Variants in DERA observed in about 807,000 individuals in gnomAD.
DERA encodes 2-deoxy-D-ribose 5-phosphate aldolase.
DERA carries 15 observed loss-of-function variants against 41.1 expected under a neutral mutation model. The observed-to-expected ratio is 0.37, with a 90% CI of 0.24 to 0.56. The LOEUF is 0.56. DERA is among the 20% of genes least tolerant of loss of function. The pLI, the probability that DERA is intolerant of heterozygous loss-of-function variation, is 0.81. For synonymous variants in DERA, 139 were observed against 137.4 expected, an observed-to-expected ratio of 1.01 and a Z score of -0.08; for missense variants, 396 against 403.4, an observed-to-expected ratio of 0.98 and a Z score of 0.16.
intron 6 of DERA, among the ~76,000 whole-genome samples, chr12:16,006,866 CT>C (rs1276047111): frequency 4.6e-5 from 7 of 152,178 alleles, no homozygotes; most frequent in African/African-American, 1.7e-4. Context: ...CTGGAAATTC[CT>C]TCTTTGGTTA....
chr12:15,964,195 G>A (rs1434838685), intron 5 of DERA, among the ~76,000 whole-genome samples: 1 of 152,174 alleles, frequency 6.6e-6, no homozygotes, highest in African/African-American at 2.4e-5. Flanking sequence ...AGGAAAGAAA[G>A]GCTTTTCTCA....
chr12:16,022,443 C>T (rs1949022758), intron 6 of DERA, among the ~76,000 whole-genome samples: 5 of 152,142 alleles, frequency 3.3e-5, no homozygotes, highest in Admixed American at 3.3e-4. Flanking sequence ...TATAGCAATG[C>T]AATAATGGAC....
Position 15,940,051 on chromosome 12 carries a change from A to G in DERA, c.32-16885A>G, listed in dbSNP as rs1948398007. Among the ~76,000 whole-genome samples the G allele has an allele frequency of 2.0e-5, 3 of 152,250 alleles. No individual in the cohort carries two copies. The highest frequency in any genetic ancestry group is 4.4e-5 in the Non-Finnish European group (3 of 68,038). ...AATTTAATAAGAACATATTTTTACC[A>G]TGATACTACAACAAAATTTGTATCC... On this transcript the variant is annotated intron_variant, in intron 1 of 8. Coordinates refer to ENST00000428559, the MANE Select transcript of DERA (RefSeq NM_015954.4). This position sits in a 1 kb window ranked among gnomAD's most constrained non-coding sequence, Gnocchi z 5.1.
chr12:15,940,742 A>C lies in DERA; in HGVS notation c.32-16194A>C, dbSNP rs1948402802. Among the ~76,000 whole-genome samples, 1 of 152,220 alleles carries C rather than the reference A, an allele frequency of 6.6e-6. No individual in the cohort carries two copies. Among genetic ancestry groups the C allele is most frequent in the African/African-American group, 2.4e-5 (1 of 41,460 alleles). On this transcript the variant is annotated intron_variant, in intron 1 of 8. Transcript: ENST00000428559. This position sits in a 1 kb window ranked among gnomAD's most constrained non-coding sequence, Gnocchi z 5.1. ...TTTATTTAAATGGAAGTCATGCTTC[A>C]GAGTTTTCTGGTAACTGTATCTTCT...
chr12:15,978,469 G>A (rs1948713221), intron 5 of DERA, among the ~76,000 whole-genome samples: 1 of 152,086 alleles, frequency 6.6e-6, no homozygotes, highest in South Asian at 2.1e-4. Context: ...TTCTATTCTA[G>A]CAACATATAT....
chr12:15,948,526 C>T lies in DERA; in HGVS notation c.32-8410C>T, dbSNP rs1415488802. ...GCTTGTGTATTCATCATGTAGCTCTCGTGCCATGGTTTTCAGCTCCATCAG... is the reference window on the plus strand; with the variant it reads ...GCTTGTGTATTCATCATGTAGCTCTTGTGCCATGGTTTTCAGCTCCATCAG... On this transcript the variant is annotated intron_variant, in intron 1 of 8. Coordinates refer to ENST00000428559, the MANE Select transcript of DERA (RefSeq NM_015954.4). 2.0e-5 allele frequency among the ~76,000 whole-genome samples: 3 copies of T among 152,178 alleles called. No individual in the cohort carries two copies. The East Asian group carries it at 5.8e-4, about 29-fold the overall frequency.
At position 15,958,177 on chromosome 12, in the gene DERA, G is replaced by C. The variant is rs759813131; in HGVS notation, c.130-11G>C. 3.5e-5 allele frequency: 53 copies of C among 1,535,040 alleles called. No homozygotes were observed. The highest frequency in any genetic ancestry group is 4.5e-5 in the Non-Finnish European group (52 of 1,143,022). On this transcript the variant is annotated splice_polypyrimidine_tract_variant and intron_variant, in intron 2 of 8. Transcript: ENST00000428559. Reference sequence around the variant, plus strand: ...TTAAATTTACTTTGTTTTCACTTTTGTTTAAACCAGGCTGCTTGGCTCCTG... The same window carrying C: ...TTAAATTTACTTTGTTTTCACTTTTCTTTAAACCAGGCTGCTTGGCTCCTG...
rs1394238775 is a variant in DERA, at chr12:15,992,041, T to A, written c.637+9605T>A. ...AATACCAGTAGCATTTGTAACATAG[T>A]ATCAGCATCAACTGTTTTACCTGTT... On this transcript the variant is annotated intron_variant, in intron 6 of 8. Coordinates refer to ENST00000428559, the MANE Select transcript of DERA (RefSeq NM_015954.4). This position sits in a 1 kb window ranked among gnomAD's most constrained non-coding sequence, Gnocchi z 4.3. Among the ~76,000 whole-genome samples the A allele has an allele frequency of 6.6e-6, 1 of 151,958 alleles. No homozygotes were observed. Among genetic ancestry groups the A allele is most frequent in the Non-Finnish European group, 1.5e-5 (1 of 67,962 alleles).
rs772388291 is a variant in DERA at position 16,036,202 on chromosome 12, G to A, written c.751-30G>A. The A allele has an allele frequency of 6.5e-7, 1 of 1,533,428 alleles. No individual in the cohort carries two copies. The highest frequency in any genetic ancestry group is 8.8e-7 in the Non-Finnish European group (1 of 1,139,224). 95.0% of individuals were successfully genotyped at this position (1,533,428 alleles called of 1,614,324 possible). A position where few individuals can be genotyped will look rare whatever the true frequency, so the allele number is the denominator to read the frequency against. On this transcript the variant is annotated intron_variant, in intron 7 of 8. Coordinates refer to ENST00000428559, the MANE Select transcript of DERA (RefSeq NM_015954.4). The surrounding 1 kb of genome is among the most constrained non-coding windows in gnomAD (Gnocchi z 4.9). ...TTAAAAGAAATCCAATAACAATAAA[G>A]ATTGTTCTATTCTCTGCCTTCCCAT...
rs759154357 is a variant in DERA at position 15,999,447 on chromosome 12, A to G, written c.637+17011A>G. Among the ~76,000 whole-genome samples the G allele has an allele frequency of 8.5e-5, 13 of 152,206 alleles. No individual in the cohort carries two copies. Among genetic ancestry groups the G allele is most frequent in the Non-Finnish European group, 1.8e-4 (12 of 68,040 alleles). On this transcript the variant is annotated intron_variant, in intron 6 of 8. Coordinates refer to ENST00000428559, the MANE Select transcript of DERA (RefSeq NM_015954.4). This position sits in a 1 kb window ranked among gnomAD's most constrained non-coding sequence, Gnocchi z 5.3. Reference sequence around the variant, plus strand: ...GGACACGTTTTCCAAGCACTTCAGGAACACAGCTGACCTTCTCTGGAGGAG... The same window carrying G: ...GGACACGTTTTCCAAGCACTTCAGGGACACAGCTGACCTTCTCTGGAGGAG...
At chr12:15,930,281 A>G (rs763779225) in intron 1 of DERA, among the ~76,000 whole-genome samples, 4 of 152,036 alleles carry the variant, frequency 2.6e-5, no homozygotes, top group Admixed American at 6.5e-5. Context: ...TGGAGCCTCA[A>G]TGTGTGCTAG....
At chr12:15,923,022 T>G (rs1948255811) in intron 1 of DERA, among the ~76,000 whole-genome samples, 1 of 127,170 alleles carries the variant, frequency 7.9e-6, no homozygotes, top group Admixed American at 7.4e-5. Context: ...TTTTGCTTTT[T>G]TTTTTTTTTT....
At chr12:15,956,681 G>A (rs926803187) in intron 1 of DERA, 6 of 526,986 alleles carry the variant, frequency 1.1e-5, no homozygotes, top group Non-Finnish European at 1.8e-5. Flanking sequence ...AGTTCCAAAT[G>A]TATAGGCTGG....
At chr12:15,925,850 C>G (rs1948278437) in intron 1 of DERA, among the ~76,000 whole-genome samples, 1 of 100,064 alleles carries the variant, frequency 1.0e-5, no homozygotes, top group Admixed American at 1.4e-4. Flanking sequence ...TTTTTTGAGA[C>G]AGAGTCTTAC....
At position 15,959,860 on chromosome 12, in the gene DERA, C is replaced by T. The variant is rs371196959; in HGVS notation, c.309C>T (p.Pro103=). ...GITTAAVCVY[P]ARVCDAVKAL... ...CTACAGCCGCCGTTTGTGTTTATCC[C>T]GCCCGGGTGTGTGATGCTGTAAAAG... Residue 103 remains proline, a synonymous_variant, in exon 4 of 9, where the codon CCC becomes CCT. Coordinates refer to ENST00000428559, the MANE Select transcript of DERA (RefSeq NM_015954.4). The surrounding 1 kb of genome is among the most constrained non-coding windows in gnomAD (Gnocchi z 4.5). The T allele has an allele frequency of 7.1e-6, 11 of 1,549,730 alleles. No homozygotes were observed. The highest frequency in any genetic ancestry group is 4.1e-5 in the African/African-American group (3 of 73,106).
At position 15,994,517 on chromosome 12, in the gene DERA, G is replaced by T. The variant is rs543442255; in HGVS notation, c.637+12081G>T. 6.6e-6 allele frequency among the ~76,000 whole-genome samples: 1 copy of T among 152,132 alleles called. No individual in the cohort carries two copies. The highest frequency in any genetic ancestry group is 1.5e-5 in the Non-Finnish European group (1 of 68,026). On this transcript the variant is annotated intron_variant, in intron 6 of 8. Transcript: ENST00000428559. This position sits in a 1 kb window ranked among gnomAD's most constrained non-coding sequence, Gnocchi z 4.8. ...CGCCCAGGCTGGAGTGCAGTGGCGC[G>T]ATCTCTGCTCACTGCAAGCTCTGCC...
In DERA at chr12:16,005,532, T is replaced by A. The variant is rs145229278; in HGVS notation, c.637+23096T>A. Among the ~76,000 whole-genome samples, 4 of 152,342 alleles carry A rather than the reference T, an allele frequency of 2.6e-5. 1 individual carries two copies. Among genetic ancestry groups the A allele is most frequent in the Middle Eastern group, 6.8e-3 (2 of 294 alleles). ...GTTTGGAACTATTTTCTGCTAAAAC[T>A]GATTTCTGAGTTGTGTTCTGTTAGA... is the stretch of plus-strand genomic sequence containing the variant. On this transcript the variant is annotated intron_variant, in intron 6 of 8. Transcript: ENST00000428559.
rs1489110781 is a variant in DERA at position 16,035,752 on chromosome 12, C to T, written c.751-480C>T. 1.3e-5 allele frequency among the ~76,000 whole-genome samples: 2 copies of T among 152,170 alleles called. No homozygotes were observed. The highest frequency in any genetic ancestry group is 6.5e-5 in the Admixed American group (1 of 15,278). On this transcript the variant is annotated intron_variant, in intron 7 of 8. Coordinates refer to ENST00000428559, the MANE Select transcript of DERA (RefSeq NM_015954.4). The surrounding 1 kb of genome is among the most constrained non-coding windows in gnomAD (Gnocchi z 4.1). ...TTTGCTGCCAGTTTGGTTAGGGTAACCTTGCAGCCTTGCTGATTCTGTCCT... is the reference window on the plus strand; with the variant it reads ...TTTGCTGCCAGTTTGGTTAGGGTAATCTTGCAGCCTTGCTGATTCTGTCCT...
At chr12:16,031,283 T>G (rs566204583) in intron 6 of DERA, among the ~76,000 whole-genome samples, 1 of 152,370 alleles carries the variant, frequency 6.6e-6, no homozygotes, top group African/African-American at 2.4e-5. Flanking sequence ...TCTTGAATTT[T>G]TTGTATTTAT....
Sources: allele counts gnomAD v4.1 joint callset (sites outside exome capture counted in the v4.1 genomes callset), GRCh38; gene constraint gnomAD v4.1.1; non-coding constraint Gnocchi (gnomAD v3.1); transcripts MANE v1.5; gene names NCBI Gene and HGNC (gene_info 2026-07-23, HGNC 2026-07-21).